Variants in FBXW7 observed in about 807,000 individuals in gnomAD.
The protein encoded by FBXW7 is F-box and WD repeat domain containing 7, also known as F-box/WD repeat-containing protein 7.
In FBXW7, 11 loss-of-function variants were observed where a neutral mutation model predicts 86.3. That is an observed-to-expected ratio of 0.13 (90% CI 0.08 to 0.21). The LOEUF (loss-of-function observed/expected upper bound fraction) is 0.21. FBXW7 is among the 10% of genes least tolerant of loss of function. FBXW7 has a pLI of 1.00. For synonymous variants in FBXW7, 313 were observed against 297.9 expected, an observed-to-expected ratio of 1.05 and a Z score of -0.52; for missense variants, 488 against 847.4, an observed-to-expected ratio of 0.58 and a Z score of 5.27.
intron 2 of FBXW7, among the ~76,000 whole-genome samples, chr4:152,481,715 T>C (rs1334745612): frequency 6.6e-6 from 1 of 152,122 alleles, no homozygotes; most frequent in Non-Finnish European, 1.5e-5. Flanking sequence ...GCTCAAGACT[T>C]CAGTGGAGGA....
At chr4:152,358,748 C>T (rs1221184516) in intron 4 of FBXW7, among the ~76,000 whole-genome samples, 1 of 152,112 alleles carries the variant, frequency 6.6e-6, no homozygotes, top group African/African-American at 2.4e-5. Context: ...TGATATACAC[C>T]TACCTTACCA....
intron 2 of FBXW7, among the ~76,000 whole-genome samples, chr4:152,454,932 T>C (rs577566603): frequency 2.6e-5 from 4 of 152,082 alleles, no homozygotes; most frequent in South Asian, 2.1e-4. Flanking sequence ...ATAAAACTAA[T>C]ATATGTGTTT....
At chr4:152,415,743 ACT>A (rs1738370105) in intron 2 of FBXW7, among the ~76,000 whole-genome samples, 1 of 151,284 alleles carries the variant, frequency 6.6e-6, no homozygotes, top group Admixed American at 6.6e-5. Context: ...ATATTTTACT[ACT>A]CTCTCACTTT....
chr4:152,353,062 TG>T (rs1732014930), intron 4 of FBXW7: 1 of 1,049,724 alleles, frequency 9.5e-7, no homozygotes, highest in Non-Finnish European at 1.2e-6. Flanking sequence ...TTTTGTATTT[TG>T]TAAAACCTGC....
intron 2 of FBXW7, among the ~76,000 whole-genome samples, chr4:152,491,935 T>A (rs2149685767): frequency 6.6e-6 from 1 of 152,282 alleles, no homozygotes; most frequent in South Asian, 2.1e-4. Context: ...AAATACATAC[T>A]TCTTAGCTGT....
At chr4:152,426,436 G>A (rs759944369) in intron 2 of FBXW7, among the ~76,000 whole-genome samples, 3 of 150,632 alleles carry the variant, frequency 2.0e-5, no homozygotes, top group Admixed American at 1.3e-4. Flanking sequence ...TGTAGCCTCC[G>A]CCTCCCGGGT....
intron 2 of FBXW7, among the ~76,000 whole-genome samples, chr4:152,421,583 T>C (rs1442814715): frequency 6.6e-6 from 1 of 152,218 alleles, no homozygotes; most frequent in Non-Finnish European, 1.5e-5. Context: ...TTTTCCTCTG[T>C]ACTCACAACT....
chr4:152,509,052 C>T (rs577954135), intron 2 of FBXW7, among the ~76,000 whole-genome samples: 1 of 152,266 alleles, frequency 6.6e-6, no homozygotes, highest in South Asian at 2.1e-4. Flanking sequence ...CTGACCAGTA[C>T]TCTTCCAAAG....
intron 6 of FBXW7, among the ~76,000 whole-genome samples, chr4:152,341,365 T>C (rs1339961430): frequency 6.6e-6 from 1 of 152,200 alleles, no homozygotes; most frequent in Non-Finnish European, 1.5e-5. Flanking sequence ...TGGAATATTG[T>C]TTCCCTAGAT....
chr4:152,479,275 G>C (rs1744675916), intron 2 of FBXW7, among the ~76,000 whole-genome samples: 1 of 151,938 alleles, frequency 6.6e-6, no homozygotes, highest in African/African-American at 2.4e-5. Context: ...GTCTTACAAA[G>C]TAATAAAACC....
intron 4 of FBXW7, among the ~76,000 whole-genome samples, chr4:152,404,244 C>A (rs936596146): frequency 1.3e-5 from 2 of 152,156 alleles, no homozygotes; most frequent in African/African-American, 2.4e-5. Flanking sequence ...GAGCATTATA[C>A]ACCATGTAAA....
At chr4:152,365,064 G>A (rs1230288470) in intron 4 of FBXW7, among the ~76,000 whole-genome samples, 1 of 152,128 alleles carries the variant, frequency 6.6e-6, no homozygotes, top group African/African-American at 2.4e-5. Context: ...ATGCTGCAGT[G>A]TTCGAAGAGT....
At chr4:152,480,610 T>A (rs1424240860) in intron 2 of FBXW7, among the ~76,000 whole-genome samples, 1 of 151,976 alleles carries the variant, frequency 6.6e-6, no homozygotes, top group East Asian at 1.9e-4. Flanking sequence ...GTTAACCAAG[T>A]TAAAAAAGGA....
intron 2 of FBXW7, among the ~76,000 whole-genome samples, chr4:152,469,762 G>C (rs1743784177): frequency 6.6e-6 from 1 of 151,898 alleles, no homozygotes; most frequent in African/African-American, 2.4e-5. Context: ...ACAACATAAA[G>C]AACAAGAGAG....
intron 2 of FBXW7, among the ~76,000 whole-genome samples, chr4:152,507,220 G>A (rs1445212918): frequency 5.3e-5 from 8 of 152,152 alleles, no homozygotes; most frequent in Non-Finnish European, 1.0e-4. Flanking sequence ...CCACATGGAA[G>A]TGAACTGAGA....
intron 2 of FBXW7, among the ~76,000 whole-genome samples, chr4:152,448,029 C>T (rs1214381245): frequency 1.3e-5 from 2 of 152,174 alleles, no homozygotes; most frequent in Non-Finnish European, 2.9e-5. Flanking sequence ...TTCATGAAGG[C>T]ATACAACTTA....
chr4:152,353,022 C>G, intron 4 of FBXW7: 1 of 1,207,544 alleles, frequency 8.3e-7, no homozygotes, highest in Non-Finnish European at 1.0e-6. Context: ...CGACAGCCCC[C>G]TCTCCCCTTT....
chr4:152,459,905 A>AG (rs532807369), intron 2 of FBXW7, among the ~76,000 whole-genome samples: 6 of 152,236 alleles, frequency 3.9e-5, no homozygotes, highest in Admixed American at 6.5e-5. Context: ...ACTGTGGATA[A>AG]GGGGGACTAC....
intron 4 of FBXW7, among the ~76,000 whole-genome samples, chr4:152,355,643 A>G (rs1251662020): frequency 6.6e-6 from 1 of 152,184 alleles, no homozygotes; most frequent in Non-Finnish European, 1.5e-5. Context: ...ACAACCTAGA[A>G]GCATTATTGA....
Sources: gnomAD v4.1 joint callset for allele counts (sites outside exome capture counted in the v4.1 genomes callset) on GRCh38, gnomAD v4.1.1 for gene constraint, MANE v1.5 for transcripts, NCBI Gene and HGNC (gene_info 2026-07-23, HGNC 2026-07-21) for gene names.